PTCHD4: variants seen among roughly 807,000 people sequenced by gnomAD.
PTCHD4 encodes the protein patched domain-containing protein 4.
A neutral mutation model predicts 58.1 loss-of-function variants in PTCHD4; 33 were observed. That is an observed-to-expected ratio of 0.57 (90% CI 0.43 to 0.76). The LOEUF (loss-of-function observed/expected upper bound fraction) is 0.76, where lower values mean the gene tolerates loss of function less well. Ranked by LOEUF, PTCHD4 falls within the 30% of genes least tolerant of loss-of-function variation. The pLI, the probability that PTCHD4 is intolerant of heterozygous loss-of-function variation, is 0.00. For synonymous variants in PTCHD4, 478 were observed against 409.6 expected (o/e 1.17, Z -2.02); for missense variants, 1,058 against 1,027.1 (o/e 1.03, Z -0.41).
intron 4 of PTCHD4, among the ~76,000 whole-genome samples, chr6:47,966,573 G>A (rs1178896915): frequency 1.3e-5 from 2 of 152,092 alleles, no homozygotes; most frequent in East Asian, 1.9e-4. Context: ...CTGTTTGATA[G>A]CATTTTCCCC....
At chr6:47,998,619 A>G (rs1390981567) in intron 4 of PTCHD4, among the ~76,000 whole-genome samples, 1 of 152,236 alleles carries the variant, frequency 6.6e-6, no homozygotes, top group African/African-American at 2.4e-5. Flanking sequence ...TTAAGGAGTC[A>G]GGAAAATTAC....
chr6:47,988,165 T>C (rs1768144713), intron 4 of PTCHD4, among the ~76,000 whole-genome samples: 1 of 152,168 alleles, frequency 6.6e-6, no homozygotes, highest in Non-Finnish European at 1.5e-5. Context: ...GACATTGTAT[T>C]ATAGATGGGT....
At chr6:47,980,310 T>G (rs1422059931) in intron 4 of PTCHD4, among the ~76,000 whole-genome samples, 3 of 152,132 alleles carry the variant, frequency 2.0e-5, no homozygotes, top group Admixed American at 1.3e-4. Context: ...GCTACAATTT[T>G]TATTTAGTCA....
chr6:48,110,382 C>T (rs1241021330), intron 1 of PTCHD4, among the ~76,000 whole-genome samples: 3 of 151,880 alleles, frequency 2.0e-5, no homozygotes, highest in Non-Finnish European at 4.4e-5. Flanking sequence ...AAATAAACTA[C>T]CCTGCATAAT....
At position 47,860,997 on chromosome 6, in the gene PTCHD4, G is replaced by T. The variant is rs1205695759; in HGVS notation, c.*17306C>A. Among the ~76,000 whole-genome samples, 1 of 151,918 alleles carries T rather than the reference G, an allele frequency of 6.6e-6. No individual in the cohort carries two copies. The highest frequency in any genetic ancestry group is 2.4e-5 in the African/African-American group (1 of 41,402). ...ATGCTGAGGTCGAATGAAGAAGATA[G>T]AAAGTGCCCCTGGATGCCTCTCTAA... On this transcript the variant is annotated 3_prime_UTR_variant, in exon 5 of 5. Transcript: ENST00000339488.
intron 3 of PTCHD4, among the ~76,000 whole-genome samples, chr6:48,060,345 C>A (rs1196983743): frequency 2.6e-5 from 4 of 152,184 alleles, no homozygotes; most frequent in Non-Finnish European, 4.4e-5. Flanking sequence ...TGAGGCTGAA[C>A]CCTTAACATC....
chr6:47,908,581 T>A (rs1764974088), intron 4 of PTCHD4, among the ~76,000 whole-genome samples: 1 of 152,190 alleles, frequency 6.6e-6, no homozygotes, highest in African/African-American at 2.4e-5. Flanking sequence ...GTCTGTGAGC[T>A]AAGTCAGTTT....
intron 3 of PTCHD4, among the ~76,000 whole-genome samples, chr6:48,025,322 G>T (rs567860640): frequency 2.2e-4 from 34 of 152,272 alleles, no homozygotes; most frequent in African/African-American, 7.9e-4. Flanking sequence ...GGTACACAGA[G>T]ACGTTGCTCC....
chr6:47,908,002 T>G (rs368218583), intron 4 of PTCHD4, among the ~76,000 whole-genome samples: 3 of 152,122 alleles, frequency 2.0e-5, no homozygotes, highest in South Asian at 4.1e-4. Context: ...TTAGCAACCC[T>G]TACATGAAAT....
intron 4 of PTCHD4, among the ~76,000 whole-genome samples, chr6:47,933,711 T>G (rs376646932): frequency 6.6e-6 from 1 of 152,194 alleles, no homozygotes; most frequent in South Asian, 2.1e-4. Flanking sequence ...TTGGAAATCA[T>G]GAGTACTAGT....
chr6:47,946,418 C>T (rs1010899236), intron 4 of PTCHD4, among the ~76,000 whole-genome samples: 1 of 152,074 alleles, frequency 6.6e-6, no homozygotes, highest in African/African-American at 2.4e-5. Context: ...ATAGCTTGAG[C>T]CTTTTTGTCA....
chr6:48,001,293 T>C lies in PTCHD4; in HGVS notation c.898+7341A>G, dbSNP rs542692514. ...TATGGAACCAAAAAAGAGCTCACAT[T>C]GCCAAGTCAATCCTAAGCCAAAAGA... On this transcript the variant is annotated intron_variant, in intron 4 of 4. Coordinates refer to ENST00000339488, the MANE Select transcript of PTCHD4 (RefSeq NM_001384253.1). Among the ~76,000 whole-genome samples, 173 of 152,262 alleles carry C rather than the reference T, an allele frequency of 1.1e-3. 1 individual carries two copies. The South Asian group carries it at 0.034, about 30-fold the overall frequency.
At position 47,866,982 on chromosome 6, in the gene PTCHD4, A is replaced by G. The variant is rs1179027851; in HGVS notation, c.*11321T>C. ...AATTTACATTTGGACTTCTCTGTACATGCACCTTTCATACTGATTTATGAT... is the reference window on the plus strand; with the variant it reads ...AATTTACATTTGGACTTCTCTGTACGTGCACCTTTCATACTGATTTATGAT... On this transcript the variant is annotated 3_prime_UTR_variant, in exon 5 of 5. Transcript: ENST00000339488. Among the ~76,000 whole-genome samples the G allele has an allele frequency of 1.3e-5, 2 of 151,810 alleles. No individual in the cohort carries two copies. Among genetic ancestry groups the G allele is most frequent in the Non-Finnish European group, 2.9e-5 (2 of 67,844 alleles).
intron 4 of PTCHD4, among the ~76,000 whole-genome samples, chr6:47,895,243 C>T (rs1764498370): frequency 6.6e-6 from 1 of 152,116 alleles, no homozygotes; most frequent in Non-Finnish European, 1.5e-5. Context: ...TGAGCTTGGC[C>T]ACGTGACTAC....
At chr6:48,081,230 A>C (rs1023425892) in intron 1 of PTCHD4, among the ~76,000 whole-genome samples, 3 of 152,246 alleles carry the variant, frequency 2.0e-5, no homozygotes, top group Admixed American at 1.3e-4. Context: ...ATTTGGTGAT[A>C]GATTAAATGT....
chr6:47,949,018 A>G (rs1766521239), intron 4 of PTCHD4, among the ~76,000 whole-genome samples: 1 of 152,208 alleles, frequency 6.6e-6, no homozygotes, highest in African/African-American at 2.4e-5. Flanking sequence ...GTTCATGGAG[A>G]CAAATAATAA....
At chr6:48,066,290 T>C (rs1764794761) in intron 3 of PTCHD4, among the ~76,000 whole-genome samples, 2 of 152,140 alleles carry the variant, frequency 1.3e-5, no homozygotes, top group Admixed American at 6.5e-5. Context: ...GATTTTATAC[T>C]GTAAATAGCA....
rs1033052819 is a variant in PTCHD4, at chr6:47,874,010, C to G, written c.*4293G>C. Among the ~76,000 whole-genome samples the G allele has an allele frequency of 2.0e-5, 3 of 151,718 alleles. No homozygotes were observed. The highest frequency in any genetic ancestry group is 6.6e-5 in the Admixed American group (1 of 15,202). On this transcript the variant is annotated 3_prime_UTR_variant, in exon 5 of 5. Transcript: ENST00000339488. Reference sequence around the variant, plus strand: ...AAGATCCCTGTAGTAGGATGCCGAGCAAATCATTGACTTCTCCAATCTCTA... The same window carrying G: ...AAGATCCCTGTAGTAGGATGCCGAGGAAATCATTGACTTCTCCAATCTCTA...
At chr6:47,988,659 CA>C (rs1408538572) in intron 4 of PTCHD4, among the ~76,000 whole-genome samples, 1 of 152,170 alleles carries the variant, frequency 6.6e-6, no homozygotes, top group Non-Finnish European at 1.5e-5. Context: ...GATGGTCTAT[CA>C]GGGGGTTCTG....
Sources: allele counts gnomAD v4.1 joint callset (sites outside exome capture counted in the v4.1 genomes callset), GRCh38; gene constraint gnomAD v4.1.1; transcripts MANE v1.5; gene names NCBI Gene and HGNC (gene_info 2026-07-23, HGNC 2026-07-21).